Variants in LRRC7 observed in about 807,000 individuals in gnomAD.
The protein encoded by LRRC7 is leucine-rich repeat-containing protein 7.
A neutral mutation model predicts 175.7 loss-of-function variants in LRRC7; 23 were observed. The observed-to-expected ratio is 0.13, with a 90% CI of 0.09 to 0.19. The LOEUF (loss-of-function observed/expected upper bound fraction) is 0.19. Among genes scored for constraint, LRRC7 ranks in the 10% least tolerant of loss-of-function variants. The probability of loss-of-function intolerance (pLI) is 1.00; values close to 1 mark genes in which losing one functional copy is unlikely to be tolerated. For synonymous variants in LRRC7, 685 were observed against 680.9 expected, an observed-to-expected ratio of 1.01 and a Z score of -0.09; for missense variants, 1,354 against 1,904.7, an observed-to-expected ratio of 0.71 and a Z score of 5.38.
chr1:69,919,577 G>T, intron 7 of LRRC7: 1 of 802,598 alleles, frequency 1.2e-6, no homozygotes, highest in Non-Finnish European at 2.2e-6. Context: ...CTGGCGGCAG[G>T]AAATCACCCG....
At position 70,039,303 on chromosome 1, in the gene LRRC7, C is replaced by T. The variant is rs370159835; in HGVS notation, c.3479C>T (p.Ala1160Val). 10 of 1,614,038 alleles carry T rather than the reference C, an allele frequency of 6.2e-6. No homozygotes were observed. The highest frequency in any genetic ancestry group is 7.6e-6 in the Non-Finnish European group (9 of 1,180,002). ...FLRRADSLVS[A>V]TEMAMFRRVN... ...AGAAGGGCCGACTCCCTGGTGAGCG[C>T]CACAGAAATGGCCATGTTTAGAAGG... is the stretch of plus-strand genomic sequence containing the variant. Residue 1160 changes from alanine (A) to valine (V), a missense_variant, in exon 21 of 27, where the codon GCC becomes GTC. Ala to Val is a moderately conservative substitution (Grantham distance 64). This residue lies in a region of LRRC7 where 1,032 missense variants were observed against 1,227.2 expected (regional missense o/e 0.84). Coordinates refer to ENST00000651989, the MANE Select transcript of LRRC7 (RefSeq NM_001370785.2).
chr1:69,992,864 A>G (rs535386783), intron 10 of LRRC7, among the ~76,000 whole-genome samples: 2 of 152,246 alleles, frequency 1.3e-5, no homozygotes, highest in Admixed American at 6.6e-5. Context: ...GCTGGAGACT[A>G]TGATCCTCTG....
chr1:70,010,654 C>T (rs973655450), intron 11 of LRRC7, among the ~76,000 whole-genome samples: 2 of 152,148 alleles, frequency 1.3e-5, no homozygotes, highest in African/African-American at 4.8e-5. Context: ...GAATCTTCAC[C>T]CCTGGGGGTT....
At chr1:69,703,194 G>C (rs1458477116) in intron 2 of LRRC7, among the ~76,000 whole-genome samples, 2 of 151,934 alleles carry the variant, frequency 1.3e-5, no homozygotes, top group African/African-American at 4.8e-5. Context: ...ACCTTGTCCT[G>C]ACTTATTTTA....
chr1:69,826,441 A>T (rs915578528), intron 5 of LRRC7, among the ~76,000 whole-genome samples: 4 of 152,146 alleles, frequency 2.6e-5, no homozygotes, highest in Non-Finnish European at 2.9e-5. Context: ...ATGTTGGTAA[A>T]TTGAGCATAT....
At chr1:69,569,906 C>CAAAAA (rs71071364) in intron 1 of LRRC7, among the ~76,000 whole-genome samples, 3 of 87,098 alleles carry the variant, frequency 3.4e-5, no homozygotes, top group African/African-American at 9.4e-5. Flanking sequence ...AAAGGAATTA[C>CAAAAA]AAAAAAAAAA....
chr1:69,648,975 A>G (rs1369560568), intron 1 of LRRC7, among the ~76,000 whole-genome samples: 2 of 152,372 alleles, frequency 1.3e-5, no homozygotes, highest in East Asian at 3.9e-4. Context: ...ATGTTGAGAA[A>G]ATATTCTTTT....
intron 2 of LRRC7, among the ~76,000 whole-genome samples, chr1:69,717,977 A>AGAAAAAGAAAGAAAG (rs1557642512): frequency 2.1e-5 from 1 of 48,286 alleles, no homozygotes; most frequent in African/African-American, 8.5e-5. Flanking sequence ...AAGAAAGAGA[A>AGAAAAAGAAAGAAAG]AGAAAGAGGA....
intron 1 of LRRC7, among the ~76,000 whole-genome samples, chr1:69,584,196 A>C (rs946215037): frequency 6.6e-6 from 1 of 152,108 alleles, no homozygotes; most frequent in African/African-American, 2.4e-5. Flanking sequence ...GCAAAGGTGG[A>C]AAGAATTATT....
chr1:70,113,184 C>G (rs1481071613), intron 26 of LRRC7, among the ~76,000 whole-genome samples: 1 of 152,172 alleles, frequency 6.6e-6, no homozygotes, highest in Non-Finnish European at 1.5e-5. Context: ...AACACTGAAT[C>G]ACGCTTCCTT....
chr1:69,695,786 A>G (rs1662507428), intron 2 of LRRC7, among the ~76,000 whole-genome samples: 1 of 152,208 alleles, frequency 6.6e-6, no homozygotes, highest in Non-Finnish European at 1.5e-5. Context: ...CTGTCACTTC[A>G]GAAGGCACCA....
At chr1:69,680,253 A>G (rs1330025906) in intron 2 of LRRC7, among the ~76,000 whole-genome samples, 1 of 152,152 alleles carries the variant, frequency 6.6e-6, no homozygotes, top group Non-Finnish European at 1.5e-5. Flanking sequence ...ATTCTGATGT[A>G]AGCTCAAGCT....
chr1:69,652,424 G>C (rs1467608636), intron 1 of LRRC7, among the ~76,000 whole-genome samples: 2 of 152,090 alleles, frequency 1.3e-5, no homozygotes, highest in African/African-American at 4.8e-5. Flanking sequence ...GGAAGCAAAA[G>C]ACCTGTAAAC....
chr1:69,661,213 A>G (rs1657422729), intron 1 of LRRC7, among the ~76,000 whole-genome samples: 1 of 152,144 alleles, frequency 6.6e-6, no homozygotes, highest in South Asian at 2.1e-4. Flanking sequence ...GAACTATGTG[A>G]TGTCCACTGA....
chr1:69,610,571 CTTCT>C (rs1648548962), intron 1 of LRRC7, among the ~76,000 whole-genome samples: 1 of 151,808 alleles, frequency 6.6e-6, no homozygotes, highest in Non-Finnish European at 1.5e-5. Context: ...TTGTAAATAG[CTTCT>C]TTGTCTTTTG....
intron 1 of LRRC7, among the ~76,000 whole-genome samples, chr1:69,596,080 A>T (rs929616395): frequency 1.3e-5 from 2 of 152,030 alleles, no homozygotes; most frequent in African/African-American, 4.8e-5. Context: ...GTGAGTCTGC[A>T]TCTGCAGAAG....
chr1:69,633,800 G>A (rs1477916970), intron 1 of LRRC7, among the ~76,000 whole-genome samples: 1 of 151,994 alleles, frequency 6.6e-6, no homozygotes, highest in Non-Finnish European at 1.5e-5. Flanking sequence ...TTTTAATCTA[G>A]GGCCTGCCAT....
At chr1:69,962,619 A>G (rs570507254) in intron 8 of LRRC7, among the ~76,000 whole-genome samples, 36 of 152,342 alleles carry the variant, frequency 2.4e-4, no homozygotes, top group Middle Eastern at 3.4e-3. Flanking sequence ...AATGTAGTAC[A>G]TATACACCAA....
At position 69,769,361 on chromosome 1, in the gene LRRC7, G is replaced by A. The variant is rs1329841637; in HGVS notation, c.303+8968G>A. The stretch of plus-strand genomic sequence containing the variant: ...AAGAGCAAAGTAATCTACAGGTTGA[G>A]CATCCCTAATCTGAAAATCTGAAAT... On this transcript the variant is annotated intron_variant, in intron 3 of 26. Coordinates refer to ENST00000651989, the MANE Select transcript of LRRC7 (RefSeq NM_001370785.2). 2.6e-5 allele frequency among the ~76,000 whole-genome samples: 4 copies of A among 152,232 alleles called. No individual in the cohort carries two copies. The East Asian group carries it at 7.7e-4, about 29-fold the overall frequency.
Sources: allele counts gnomAD v4.1 joint callset (sites outside exome capture counted in the v4.1 genomes callset), GRCh38; gene constraint gnomAD v4.1.1; regional missense constraint gnomAD v4.1.1; transcripts MANE v1.5; gene names NCBI Gene and HGNC (gene_info 2026-07-23, HGNC 2026-07-21).